The following TAFA2 variants were observed in gnomAD, a reference collection of about 807,000 sequenced individuals.
TAFA2 encodes the protein chemokine-like protein TAFA-2.
Under a neutral mutation model 18.8 loss-of-function variants are expected in TAFA2, and 7 were observed. That is an observed-to-expected ratio of 0.37 (90% CI 0.21 to 0.70). The LOEUF is 0.70. Ranked by LOEUF, TAFA2 falls within the 30% of genes least tolerant of loss-of-function variation. The probability of loss-of-function intolerance (pLI) is 0.53; values close to 1 mark genes in which losing one functional copy is unlikely to be tolerated. For missense variants in TAFA2, 122 were observed against 158.1 expected (o/e 0.77, Z 1.23); for synonymous variants, 60 against 54.2 (o/e 1.11, Z -0.47).
chr12:61,775,656 C>T (rs1481793561), intron 2 of TAFA2, among the ~76,000 whole-genome samples: 4 of 151,716 alleles, frequency 2.6e-5, no homozygotes. Flanking sequence ...ATAAGCAGAA[C>T]ACAGGATTTT....
intron 1 of TAFA2, among the ~76,000 whole-genome samples, chr12:61,987,948 A>C (rs1879872243): frequency 6.6e-6 from 1 of 152,258 alleles, no homozygotes; most frequent in African/African-American, 2.4e-5. Context: ...CACATAAAAT[A>C]AATTGAAGAT....
intron 1 of TAFA2, among the ~76,000 whole-genome samples, chr12:61,984,486 TGA>T (rs1243813479): frequency 3.9e-5 from 6 of 152,302 alleles, no homozygotes; most frequent in Non-Finnish European, 5.9e-5. Context: ...CTGCAAAGGC[TGA>T]GTTAGTTGCC....
chr12:61,972,946 A>G (rs1565701189), intron 1 of TAFA2, among the ~76,000 whole-genome samples: 1 of 151,722 alleles, frequency 6.6e-6, no homozygotes, highest in Non-Finnish European at 1.5e-5. Flanking sequence ...GATACTTTAG[A>G]AACGATTTTC....
Position 61,967,289 on chromosome 12 carries a change from A to C in TAFA2, c.-1-99863T>G, listed in dbSNP as rs147121422. ...AGGCTCAGTGGGGTTGCAGAGAGGA[A>C]CCTAAGGACTTGGCTTGCTCCCAAG... On this transcript the variant is annotated intron_variant, in intron 1 of 4. Transcript: ENST00000416284. Among the ~76,000 whole-genome samples, 317 of 151,920 alleles carry C rather than the reference A, an allele frequency of 2.1e-3. 1 individual carries two copies. The highest frequency in any genetic ancestry group is 7.2e-3 in the African/African-American group (300 of 41,494).
At chr12:61,915,375 T>A (rs349880) in intron 1 of TAFA2, among the ~76,000 whole-genome samples, 9 of 152,322 alleles carry the variant, frequency 5.9e-5, no homozygotes, top group Non-Finnish European at 7.3e-5. Flanking sequence ...CAAGGAACAC[T>A]CTTTCTCCAA....
intron 1 of TAFA2, among the ~76,000 whole-genome samples, chr12:61,914,256 T>C (rs934445992): frequency 2.0e-5 from 3 of 152,174 alleles, no homozygotes; most frequent in Non-Finnish European, 2.9e-5. Flanking sequence ...ACTTACATCA[T>C]AATTTTTTCA....
At chr12:61,734,607 T>C (rs1397629291) in intron 4 of TAFA2, among the ~76,000 whole-genome samples, 1 of 152,046 alleles carries the variant, frequency 6.6e-6, no homozygotes, top group Admixed American at 6.6e-5. Context: ...TTGTTTGAAA[T>C]GTGCAGCAGA....
At chr12:62,230,891 G>T (rs11174383) in intron 1 of TAFA2, among the ~76,000 whole-genome samples, 2 of 152,020 alleles carry the variant, frequency 1.3e-5, no homozygotes, top group Non-Finnish European at 2.9e-5. Context: ...ACACAGGCTG[G>T]TCTTGAACTC....
intron 1 of TAFA2, among the ~76,000 whole-genome samples, chr12:61,960,350 C>T (rs1051265620): frequency 3.3e-5 from 5 of 151,988 alleles, no homozygotes; most frequent in South Asian, 2.1e-4. Context: ...TAACCCATTA[C>T]ATTGTATGTT....
chr12:61,756,271 G>T (rs573633206), intron 2 of TAFA2, among the ~76,000 whole-genome samples: 1 of 152,096 alleles, frequency 6.6e-6, no homozygotes, highest in East Asian at 1.9e-4. Flanking sequence ...CCTTCAAGAG[G>T]CAGATACCAT....
intron 2 of TAFA2, among the ~76,000 whole-genome samples, chr12:61,757,267 G>C (rs1415107008): frequency 6.6e-6 from 1 of 151,944 alleles, no homozygotes; most frequent in East Asian, 1.9e-4. Flanking sequence ...GTGTAGAGTT[G>C]ATTTGATTTA....
At chr12:61,842,462 A>T (rs565802665) in intron 2 of TAFA2, among the ~76,000 whole-genome samples, 116 of 152,154 alleles carry the variant, frequency 7.6e-4, no homozygotes, top group African/African-American at 2.5e-3. Flanking sequence ...AATTCCAAGC[A>T]ATGAATTGTC....
At chr12:62,149,393 A>G (rs1412501376) in intron 1 of TAFA2, among the ~76,000 whole-genome samples, 2 of 151,900 alleles carry the variant, frequency 1.3e-5, no homozygotes, top group Admixed American at 1.3e-4. Context: ...AGAGGGGGGA[A>G]ATTCAGAAGT....
intron 1 of TAFA2, among the ~76,000 whole-genome samples, chr12:62,243,338 A>G (rs6581443): frequency 0.89 from 134,984 of 152,264 alleles, 60,110 homozygotes; most frequent in African/African-American, 0.97. Context: ...GGCTTTAAGA[A>G]CTGCCTAATT....
chr12:61,881,939 G>A (rs1486251764), intron 1 of TAFA2, among the ~76,000 whole-genome samples: 3 of 151,288 alleles, frequency 2.0e-5, no homozygotes, highest in African/African-American at 7.3e-5. Context: ...AGCAAGAAGG[G>A]AACATATGAA....
chr12:61,793,454 G>T (rs1391914124), intron 2 of TAFA2, among the ~76,000 whole-genome samples: 1 of 151,118 alleles, frequency 6.6e-6, no homozygotes, highest in East Asian at 1.9e-4. Context: ...ATAATAAAAG[G>T]GAAAAAATTA....
intron 4 of TAFA2, among the ~76,000 whole-genome samples, chr12:61,732,632 T>C (rs560805178): frequency 3.3e-5 from 5 of 151,982 alleles, no homozygotes; most frequent in Non-Finnish European, 7.4e-5. Context: ...TCTGTTCAGA[T>C]GGTGATAGTT....
At chr12:61,927,137 C>G (rs1384632513) in intron 1 of TAFA2, among the ~76,000 whole-genome samples, 1 of 148,468 alleles carries the variant, frequency 6.7e-6, no homozygotes, top group African/African-American at 2.5e-5. Flanking sequence ...CACTCCTATT[C>G]TACACAGTAT....
intron 1 of TAFA2, among the ~76,000 whole-genome samples, chr12:62,027,014 C>T (rs189831300): frequency 5.5e-4 from 83 of 152,164 alleles, no homozygotes; most frequent in African/African-American, 1.9e-3. Context: ...TGAATAATGA[C>T]TCTCCCATGG....
Sources: gnomAD v4.1 joint callset for allele counts (sites outside exome capture counted in the v4.1 genomes callset) on GRCh38, gnomAD v4.1.1 for gene constraint, MANE v1.5 for transcripts, NCBI Gene and HGNC (gene_info 2026-07-23, HGNC 2026-07-21) for gene names.